ARPP21: variants seen among roughly 807,000 people sequenced by gnomAD.
ARPP21 encodes cAMP regulated phosphoprotein 21, also known as cAMP-regulated phosphoprotein 21.
A neutral mutation model predicts 113.2 loss-of-function variants in ARPP21; 69 were observed. That is an observed-to-expected ratio of 0.61 (90% CI 0.50 to 0.74). The LOEUF is 0.74. ARPP21 is among the 30% of genes least tolerant of loss of function. The pLI, the probability that ARPP21 is intolerant of heterozygous loss-of-function variation, is 0.00. For missense variants in ARPP21, 1,070 were observed against 1,037.4 expected, an observed-to-expected ratio of 1.03 and a Z score of -0.43; for synonymous variants, 368 against 375.5, an observed-to-expected ratio of 0.98 and a Z score of 0.23.
At chr3:35,761,165 T>G (rs2095760168) in intron 19 of ARPP21, among the ~76,000 whole-genome samples, 1 of 152,058 alleles carries the variant, frequency 6.6e-6, no homozygotes, top group Admixed American at 6.6e-5. Context: ...TACCACTGAG[T>G]TCAAATCGAG....
rs544732475 is a variant in ARPP21 at position 35,780,099 on chromosome 3, C to T, written c.2138-12283C>T. On this transcript the variant is annotated intron_variant, in intron 19 of 20. Transcript: ENST00000684406. ...GGCTTTGGACTCTGTGTTCTGTATACGTTGCCTCTTCATCATTTTCTTCAA... is the reference window on the plus strand; with the variant it reads ...GGCTTTGGACTCTGTGTTCTGTATATGTTGCCTCTTCATCATTTTCTTCAA... Among the ~76,000 whole-genome samples the T allele has an allele frequency of 2.1e-4, 32 of 152,282 alleles. No individual in the cohort carries two copies. In the South Asian group the frequency reaches 5.0e-3, roughly 24 times the overall value.
At chr3:35,749,757 A>C (rs903204258) in intron 19 of ARPP21, among the ~76,000 whole-genome samples, 1 of 152,094 alleles carries the variant, frequency 6.6e-6, no homozygotes, top group Non-Finnish European at 1.5e-5. Context: ...TAGTATTCAG[A>C]TTATATATTT....
At position 35,668,036 on chromosome 3, in the gene ARPP21, A is replaced by AAGG. The variant is rs1483034086; in HGVS notation, c.-212-11749_-212-11748insGAG. On this transcript the variant is annotated intron_variant, in intron 1 of 20. Coordinates refer to ENST00000684406, the MANE Select transcript of ARPP21 (RefSeq NM_001385562.1). Reference sequence around the variant, plus strand: ...GAAGAAGAAGAAGAAGAAGAAGGAGAAGAAGAAGAAAGAAGAAAGTCATAA... The same window carrying AAGG: ...GAAGAAGAAGAAGAAGAAGAAGGAGAAGGAGAAGAAGAAAGAAGAAAGTCATAA... Among the ~76,000 whole-genome samples, 157 of 143,612 alleles carry AAGG rather than the reference A, an allele frequency of 1.1e-3. 1 individual carries two copies. Among genetic ancestry groups the AAGG allele is most frequent in the African/African-American group, 3.6e-3 (133 of 37,372 alleles). 94.2% of individuals were successfully genotyped at this position (143,612 alleles called of 152,430 possible).
intron 18 of ARPP21, among the ~76,000 whole-genome samples, chr3:35,742,092 A>C (rs1467295495): frequency 6.6e-6 from 1 of 152,236 alleles, no homozygotes; most frequent in East Asian, 1.9e-4. Flanking sequence ...ATTAGTCCTC[A>C]TCAGAACATT....
chr3:35,746,965 G>A (rs2095095680), intron 19 of ARPP21, among the ~76,000 whole-genome samples: 1 of 152,150 alleles, frequency 6.6e-6, no homozygotes, highest in African/African-American at 2.4e-5. Flanking sequence ...TTATCCTGGT[G>A]ATTTTGTACT....
At chr3:35,654,931 C>T (rs2149046706) in intron 1 of ARPP21, among the ~76,000 whole-genome samples, 1 of 152,038 alleles carries the variant, frequency 6.6e-6, no homozygotes, top group African/African-American at 2.4e-5. Context: ...TATTTTATGA[C>T]CTGAAGTAAA....
At chr3:35,747,862 T>C (rs1229278824) in intron 19 of ARPP21, among the ~76,000 whole-genome samples, 1 of 150,114 alleles carries the variant, frequency 6.7e-6, no homozygotes, top group Non-Finnish European at 1.5e-5. Context: ...CAGTGAGCCA[T>C]GATCATGCCA....
intron 19 of ARPP21, among the ~76,000 whole-genome samples, chr3:35,786,352 T>C (rs1302407582): frequency 6.6e-6 from 1 of 151,918 alleles, no homozygotes; most frequent in Non-Finnish European, 1.5e-5. Flanking sequence ...TGAAACTCCA[T>C]CTCTACTAAA....
chr3:35,652,482 T>C (rs1400625449), intron 1 of ARPP21, among the ~76,000 whole-genome samples: 1 of 152,002 alleles, frequency 6.6e-6, no homozygotes, highest in Non-Finnish European at 1.5e-5. Context: ...GCTGTGAAAA[T>C]AGACTGTTTT....
intron 9 of ARPP21, among the ~76,000 whole-genome samples, chr3:35,701,323 T>C (rs987933407): frequency 6.6e-6 from 1 of 151,744 alleles, no homozygotes; most frequent in Non-Finnish European, 1.5e-5. Flanking sequence ...TTTAGAAGAA[T>C]TGCTGTTCTA....
intron 19 of ARPP21, among the ~76,000 whole-genome samples, chr3:35,765,085 A>G (rs149166339): frequency 6.6e-6 from 1 of 152,258 alleles, no homozygotes; most frequent in Non-Finnish European, 1.5e-5. Context: ...TTAAATCAAA[A>G]TTATCCGTTT....
intron 19 of ARPP21, among the ~76,000 whole-genome samples, chr3:35,744,944 C>CA (rs1032535523): frequency 6.8e-4 from 104 of 152,228 alleles, no homozygotes; most frequent in African/African-American, 2.4e-3. Context: ...CCAATGCTGA[C>CA]ACTGCTAGCA....
chr3:35,666,247 A>AT (rs1215495677), intron 1 of ARPP21, among the ~76,000 whole-genome samples: 2 of 152,032 alleles, frequency 1.3e-5, no homozygotes, highest in African/African-American at 4.8e-5. Flanking sequence ...ACAAACTGCT[A>AT]TTTTTTTCTG....
chr3:35,668,027 A>AAGG lies in ARPP21; in HGVS notation c.-212-11758_-212-11757insGAG, dbSNP rs1553646508. Among the ~76,000 whole-genome samples, 347 of 132,202 alleles carry AAGG rather than the reference A, an allele frequency of 2.6e-3. 1 individual carries two copies. The highest frequency in any genetic ancestry group is 3.9e-3 in the African/African-American group (139 of 35,554). 86.7% of individuals were successfully genotyped at this position (132,202 alleles called of 152,430 possible). ...GAAGAAGAAGAAGAAGAAGAAGAAGAAGAAGGAGAAGAAGAAGAAAGAAGA... is the reference window on the plus strand; with the variant it reads ...GAAGAAGAAGAAGAAGAAGAAGAAGAAGGAGAAGGAGAAGAAGAAGAAAGAAGA... On this transcript the variant is annotated intron_variant, in intron 1 of 20. Transcript: ENST00000684406.
intron 19 of ARPP21, among the ~76,000 whole-genome samples, chr3:35,757,110 C>T (rs2095600196): frequency 6.7e-6 from 1 of 148,500 alleles, no homozygotes; most frequent in South Asian, 2.1e-4. Context: ...TCTCTGTCAC[C>T]CAGGCTAGAG....
At chr3:35,690,709 A>T (rs971297483) in intron 8 of ARPP21, among the ~76,000 whole-genome samples, 156 bp from the exon 9 acceptor site, 8 of 151,582 alleles carry the variant, frequency 5.3e-5, no homozygotes, top group African/African-American at 1.9e-4. Flanking sequence ...TAAGTAGAAA[A>T]TTTTTCTAGA....
intron 11 of ARPP21, among the ~76,000 whole-genome samples, chr3:35,714,370 A>G (rs1276273140): frequency 1.3e-5 from 2 of 152,236 alleles, no homozygotes; most frequent in African/African-American, 2.4e-5. Context: ...CCTGCCTCTC[A>G]GAAGTGGTTA....
chr3:35,783,056 C>A (rs962288881), intron 19 of ARPP21, among the ~76,000 whole-genome samples: 32 of 152,046 alleles, frequency 2.1e-4, no homozygotes, highest in African/African-American at 7.5e-4. Flanking sequence ...TCTTGAAACA[C>A]TCCCCTACTT....
At chr3:35,704,833 G>A (rs977472561) in intron 9 of ARPP21, among the ~76,000 whole-genome samples, 1 of 151,976 alleles carries the variant, frequency 6.6e-6, no homozygotes, top group African/African-American at 2.4e-5. Flanking sequence ...TAAGACTTAA[G>A]TATTTAAAAA....
Sources: gnomAD v4.1 joint callset for allele counts (sites outside exome capture counted in the v4.1 genomes callset) on GRCh38, gnomAD v4.1.1 for gene constraint, MANE v1.5 for transcripts, NCBI Gene and HGNC (gene_info 2026-07-23, HGNC 2026-07-21) for gene names.